The following SHQ1 variants were observed in gnomAD, a reference collection of about 807,000 sequenced individuals.
The protein encoded by SHQ1 is protein SHQ1 homolog.
SHQ1 carries 49 observed loss-of-function variants against 53.8 expected under a neutral mutation model. The observed-to-expected ratio is 0.91, with a 90% CI of 0.72 to 1.16. SHQ1 has a LOEUF of 1.16. Among genes scored for constraint, SHQ1 ranks in the 50% most tolerant of loss-of-function variants. The pLI, the probability that SHQ1 is intolerant of heterozygous loss-of-function variation, is 0.00. For missense variants in SHQ1, 738 were observed against 683.1 expected (o/e 1.08, Z -0.90); for synonymous variants, 243 against 251.0 (o/e 0.97, Z 0.30).
intron 10 of SHQ1, among the ~76,000 whole-genome samples, chr3:72,775,459 CTTTTTT>C (rs202198673): frequency 8.4e-6 from 1 of 119,634 alleles, no homozygotes; most frequent in African/African-American, 3.1e-5. Flanking sequence ...GACACAATGG[CTTTTTT>C]TTTTTTTTTT....
intron 8 of SHQ1, among the ~76,000 whole-genome samples, chr3:72,814,850 T>C (rs1707258479): frequency 6.6e-6 from 1 of 152,192 alleles, no homozygotes. Context: ...ATAAGAGATT[T>C]AAGCTATATG....
intron 5 of SHQ1, among the ~76,000 whole-genome samples, chr3:72,832,015 C>T (rs1440679897): frequency 6.6e-6 from 1 of 152,174 alleles, no homozygotes; most frequent in Non-Finnish European, 1.5e-5. Flanking sequence ...GAAATTGAAA[C>T]ATATTTTCAT....
intron 1 of SHQ1, chr3:72,846,382 C>A: frequency 2.2e-6 from 3 of 1,371,934 alleles, no homozygotes; most frequent in South Asian, 1.3e-5. Context: ...GCAACCTTCG[C>A]CCCCCAGGTT....
At chr3:72,828,501 C>T (rs1177061469) in intron 5 of SHQ1, among the ~76,000 whole-genome samples, 3 of 152,126 alleles carry the variant, frequency 2.0e-5, no homozygotes, top group African/African-American at 7.2e-5. Flanking sequence ...TCAAGACCAG[C>T]CTGGCCAACA....
At chr3:72,765,559 T>TATATATATATATATATATA (rs1559662676) in intron 10 of SHQ1, among the ~76,000 whole-genome samples, 3 of 99,072 alleles carry the variant, frequency 3.0e-5, no homozygotes, top group African/African-American at 1.9e-4. Context: ...ATATATATAT[T>TATATATATATATATATATA]TTTTTTTTTT....
At chr3:72,825,361 TACACACAC>T (rs61048915) in intron 5 of SHQ1, among the ~76,000 whole-genome samples, 33 of 141,966 alleles carry the variant, frequency 2.3e-4, no homozygotes, top group East Asian at 2.3e-3. Flanking sequence ...TAAAAGGGGC[TACACACAC>T]ACACACACAC....
chr3:72,750,685 G>T lies in SHQ1; in HGVS notation c.1333C>A (p.Gln445Lys). The T allele has an allele frequency of 6.2e-7, 1 of 1,604,582 alleles. No homozygotes were observed. The highest frequency in any genetic ancestry group is 1.1e-5 in the South Asian group (1 of 90,098). ...ALKAAHSVSG[Q>K]QTLCSSSEAS... Reference sequence around the variant, plus strand: ...TCAGAGCTGGAGCAAAGTGTCTGCTGCCCAGAAACTGAATGGGCTGCTTTT... The same window carrying T: ...TCAGAGCTGGAGCAAAGTGTCTGCTTCCCAGAAACTGAATGGGCTGCTTTT... Residue 445 changes from glutamine to lysine, a missense_variant, in exon 11 of 11, where the codon CAG becomes AAG. By Grantham distance (53) the Gln-to-Lys change is moderately conservative. Transcript: ENST00000325599.
At chr3:72,731,969 T>G in the SHQ1 span, among the ~76,000 whole-genome samples, 1 of 151,498 alleles carries the variant, frequency 6.6e-6, no homozygotes, top group Non-Finnish European at 1.5e-5. Context: ...TGGAAGCCAC[T>G]TCCCACCCCC....
chr3:72,846,272 A>G (rs1194866160), intron 1 of SHQ1: 1 of 1,531,274 alleles, frequency 6.5e-7, no homozygotes, highest in South Asian at 1.2e-5. Flanking sequence ...GGTTTTATTC[A>G]TCCTTGGTAT....
Position 72,848,355 on chromosome 3 carries a change from C to G in SHQ1, c.-15G>C. ...GGGGTCAGCATCGCCGCACCGGACG[C>G]AAGGGCCGGCGCCGCTCGCTCTCAC... On this transcript the variant is annotated 5_prime_UTR_variant, in exon 1 of 11. Coordinates refer to ENST00000325599, the MANE Select transcript of SHQ1 (RefSeq NM_018130.3). 2 of 1,613,080 alleles carry G rather than the reference C, an allele frequency of 1.2e-6. No homozygotes were observed. Among genetic ancestry groups the G allele is most frequent in the South Asian group, 1.1e-5 (1 of 91,030 alleles).
intron 9 of SHQ1, among the ~76,000 whole-genome samples, chr3:72,801,945 G>GT (rs1706801795): frequency 6.6e-6 from 1 of 152,174 alleles, no homozygotes; most frequent in African/African-American, 2.4e-5. Flanking sequence ...AGTAAAAATG[G>GT]TAACAATCCC....
intron 10 of SHQ1, among the ~76,000 whole-genome samples, chr3:72,789,631 C>T (rs1009285195): frequency 1.3e-5 from 2 of 152,118 alleles, no homozygotes; most frequent in African/African-American, 4.8e-5. Context: ...TCCTTTAATC[C>T]GGTCTAATAG....
chr3:72,835,326 A>G (rs1457630735), intron 4 of SHQ1, among the ~76,000 whole-genome samples: 1 of 151,978 alleles, frequency 6.6e-6, no homozygotes, highest in African/African-American at 2.4e-5. Flanking sequence ...CAGAGGCCTC[A>G]ATACATTCAA....
chr3:72,837,721 C>T (rs1423014860), intron 4 of SHQ1, among the ~76,000 whole-genome samples: 1 of 152,166 alleles, frequency 6.6e-6, no homozygotes, highest in African/African-American at 2.4e-5. Context: ...ATCATCATTT[C>T]AGTTTCTTCT....
chr3:72,776,644 GA>G (rs1487110098), intron 10 of SHQ1, among the ~76,000 whole-genome samples: 19 of 151,972 alleles, frequency 1.3e-4, no homozygotes, highest in Admixed American at 1.2e-3. Context: ...ACCTTTAATG[GA>G]AAAAAATTAT....
chr3:72,753,016 G>C (rs977299270), intron 10 of SHQ1: 1 of 985,054 alleles, frequency 1.0e-6, no homozygotes, highest in South Asian at 4.7e-5. Flanking sequence ...ACATTGTATC[G>C]AGTAAATAAA....
At chr3:72,742,142 G>C in the SHQ1 span, among the ~76,000 whole-genome samples, 3 of 150,920 alleles carry the variant, frequency 2.0e-5, no homozygotes, top group African/African-American at 7.3e-5. Flanking sequence ...AAGATCCCTT[G>C]AGTTCTGATC....
intron 4 of SHQ1, among the ~76,000 whole-genome samples, chr3:72,836,379 C>G (rs1707996154): frequency 6.6e-6 from 1 of 152,102 alleles, no homozygotes; most frequent in Admixed American, 6.5e-5. Context: ...GTCCCAGCTA[C>G]TCGGGAGGCT....
chr3:72,805,177 A>G (rs1243915757), intron 9 of SHQ1, among the ~76,000 whole-genome samples: 2 of 152,258 alleles, frequency 1.3e-5, no homozygotes, highest in Non-Finnish European at 2.9e-5. Context: ...AAAAAAATTA[A>G]TAAGAAAATA....
Sources: gnomAD v4.1 joint callset for allele counts (sites outside exome capture counted in the v4.1 genomes callset) on GRCh38, gnomAD v4.1.1 for gene constraint, MANE v1.5 for transcripts, NCBI Gene and HGNC (gene_info 2026-07-23, HGNC 2026-07-21) for gene names.